Variants in DMXL1 observed in about 807,000 individuals in gnomAD.
The protein encoded by DMXL1 is dmX-like protein 1.
Under a neutral mutation model 319.2 loss-of-function variants are expected in DMXL1, and 99 were observed. That is an observed-to-expected ratio of 0.31 (90% CI 0.26 to 0.37). The LOEUF (loss-of-function observed/expected upper bound fraction) is 0.37. Among genes scored for constraint, DMXL1 ranks in the 10% least tolerant of loss-of-function variants. The pLI is 1.00. For missense variants in DMXL1, 3,745 were observed against 3,595.6 expected, an observed-to-expected ratio of 1.04 and a Z score of -1.06; for synonymous variants, 1,385 against 1,235.2, an observed-to-expected ratio of 1.12 and a Z score of -2.54.
intron 2 of DMXL1, among the ~76,000 whole-genome samples, chr5:119,099,632 T>C (rs1486194359): frequency 6.6e-6 from 1 of 152,210 alleles, no homozygotes; most frequent in East Asian, 1.9e-4. Flanking sequence ...AGCTGGTTAA[T>C]GTTAAAAATA....
In DMXL1 at chr5:119,248,153, AATTTT is replaced by A. The variant is rs1354594944; in HGVS notation, c.*942_*946del. 3.3e-5 allele frequency: 5 copies of A among 152,504 alleles called. No homozygotes were observed. Among genetic ancestry groups the A allele is most frequent in the Non-Finnish European group, 7.4e-5 (5 of 67,970 alleles). 9.4% of individuals were successfully genotyped at this position (152,504 alleles called of 1,614,324 possible). On this transcript the variant is annotated 3_prime_UTR_variant, in exon 44 of 44. Transcript: ENST00000539542. ...GAGCATCAAACAAATATTTTACTTA[AATTTT>A]ATTTTATCTTATTTTTAGGTGCTTT...
chr5:119,160,478 C>A (rs760086295), intron 19 of DMXL1, among the ~76,000 whole-genome samples: 17 of 152,258 alleles, frequency 1.1e-4, no homozygotes, highest in Middle Eastern at 3.4e-3. Flanking sequence ...GGGGAATATT[C>A]TTTGTGTGCA....
intron 3 of DMXL1, 70 bp from the exon 4 acceptor site, chr5:119,105,110 C>T (rs1304729701): frequency 9.2e-6 from 9 of 974,210 alleles, no homozygotes; most frequent in Non-Finnish European, 1.5e-5. Context: ...GAATAACAAG[C>T]ATAAACGTAC....
At position 119,149,957 on chromosome 5, in the gene DMXL1, G is replaced by A. The variant is rs1769400006; in HGVS notation, c.4130G>A (p.Ser1377Asn). The change falls in exon 18 of 44, where the codon AGT becomes AAT. Residue 1377 changes from serine to asparagine, a missense_variant. Transcript: ENST00000539542. ...HERRLRSLTI[S>N]ASGSTTRDPQ... ...CGCCGCCTTAGGTCTCTCACAATCA[G>A]TGCTAGTGGAAGCACTACCAGAGAC... 1 of 1,613,728 alleles carries A rather than the reference G, an allele frequency of 6.2e-7. No homozygotes were observed. Among genetic ancestry groups the A allele is most frequent in the Non-Finnish European group, 8.5e-7 (1 of 1,179,900 alleles).
intron 19 of DMXL1, among the ~76,000 whole-genome samples, chr5:119,158,076 G>T (rs1388026365): frequency 6.6e-6 from 1 of 151,682 alleles, no homozygotes; most frequent in Non-Finnish European, 1.5e-5. Context: ...TGTTTTTAAT[G>T]AGATGGGGTC....
intron 19 of DMXL1, among the ~76,000 whole-genome samples, chr5:119,163,494 G>A (rs1772709886): frequency 1.3e-5 from 2 of 152,150 alleles, no homozygotes; most frequent in Non-Finnish European, 2.9e-5. Flanking sequence ...TTGCCTCACT[G>A]CCATGTCTAC....
chr5:119,165,825 C>G (rs1773320047), intron 21 of DMXL1, among the ~76,000 whole-genome samples: 1 of 152,218 alleles, frequency 6.6e-6, no homozygotes, highest in African/African-American at 2.4e-5. Flanking sequence ...CCCAATGATT[C>G]AGTTACCTCC....
chr5:119,229,153 A>G (rs1439385187), intron 38 of DMXL1, among the ~76,000 whole-genome samples: 1 of 150,602 alleles, frequency 6.6e-6, no homozygotes, highest in Non-Finnish European at 1.5e-5. Flanking sequence ...CATTCTCCAC[A>G]ATAAAGGAAA....
At chr5:119,115,859 C>T (rs991208326) in intron 6 of DMXL1, among the ~76,000 whole-genome samples, 7 of 152,182 alleles carry the variant, frequency 4.6e-5, no homozygotes, top group Middle Eastern at 6.8e-3. Flanking sequence ...CTGGAAAAGA[C>T]GTCCTTAATT....
At chr5:119,127,660 A>C (rs2150011975) in intron 9 of DMXL1, 2 of 172,866 alleles carry the variant, frequency 1.2e-5, no homozygotes, top group South Asian at 1.3e-4. Flanking sequence ...GCTGGTCTCG[A>C]ACCCCTGGCC....
rs116824161 is a variant in DMXL1 at position 119,231,633 on chromosome 5, T to C, written c.8339-1707T>C. On this transcript the variant is annotated intron_variant, in intron 38 of 43. Coordinates refer to ENST00000539542, the MANE Select transcript of DMXL1 (RefSeq NM_001290321.3). ...ATAGGTACATTAAAAATTTAATGAG[T>C]TTATTTTAGCTTTCAGCTCAAATTC... Among the ~76,000 whole-genome samples, 646 of 152,276 alleles carry C rather than the reference T, an allele frequency of 4.2e-3. 6 individuals carry two copies. Among genetic ancestry groups the C allele is most frequent in the African/African-American group, 0.015 (624 of 41,544 alleles).
chr5:119,143,866 T>C lies in DMXL1; in HGVS notation c.2402T>C (p.Ile801Thr). 6.3e-7 allele frequency: 1 copy of C among 1,587,090 alleles called. No homozygotes were observed. Among genetic ancestry groups the C allele is most frequent in the Non-Finnish European group, 8.6e-7 (1 of 1,167,298 alleles). ...AAATATGTTGGTGAAGTCTTTAACA[T>C]CGTCAGTCAACAATCAACAGCCAGG... ...ISKYVGEVFN[I>T]VSQQSTARPG... Residue 801 changes from isoleucine (I) to threonine (T), a missense_variant, in exon 14 of 44, where the codon ATC (isoleucine) becomes ACC (threonine). Ile to Thr is a moderately conservative substitution (Grantham distance 89, BLOSUM62 -1). Transcript: ENST00000539542.
chr5:119,233,489 G>A, intron 39 of DMXL1, 22 bp downstream of exon 39: 1 of 1,597,686 alleles, frequency 6.3e-7, no homozygotes, highest in Non-Finnish European at 8.6e-7. Flanking sequence ...AAATGTAAAT[G>A]GTAAAAAATT....
intron 1 of DMXL1, among the ~76,000 whole-genome samples, chr5:119,084,068 G>C (rs112762989): frequency 6.6e-6 from 1 of 151,862 alleles, no homozygotes; most frequent in African/African-American, 2.4e-5. Flanking sequence ...TCATATACCT[G>C]TTGGCCATTT....
rs1305560948 is a variant in DMXL1 at position 119,079,288 on chromosome 5, C to T, written c.87+7632C>T. ...CCACTTATATCAGCATCCATTCTTT[C>T]CTTCTCTCCTCCTGGTACAATAAAA... On this transcript the variant is annotated intron_variant, in intron 1 of 43. Coordinates refer to ENST00000539542, the MANE Select transcript of DMXL1 (RefSeq NM_001290321.3). Among the ~76,000 whole-genome samples the T allele has an allele frequency of 2.6e-5, 4 of 152,272 alleles. No individual in the cohort carries two copies. In the East Asian group the frequency reaches 5.8e-4, roughly 22 times the overall value.
In DMXL1 at chr5:119,133,700, T is replaced by C. The variant is rs756848199; in HGVS notation, c.1776T>C (p.Ile592=). The change falls in exon 12 of 44, where the codon ATT becomes ATC. Residue 592 remains isoleucine (I), a synonymous_variant. Transcript: ENST00000539542. ...NKSSNSLKLS[I]FTPNVMMISK... ...CATCTAATAGTTTAAAATTAAGTAT[T>C]TTTACGCCTAATGTTATGATGATAT... The C allele has an allele frequency of 3.7e-6, 6 of 1,614,194 alleles. No homozygotes were observed. The Middle Eastern group carries it at 4.9e-4, about 133-fold the overall frequency.
intron 2 of DMXL1, among the ~76,000 whole-genome samples, chr5:119,100,026 TAAG>T (rs531157065): frequency 5.3e-4 from 80 of 152,036 alleles, no homozygotes; most frequent in Non-Finnish European, 4.9e-4. Context: ...AAAGAGGAAT[TAAG>T]AAGTCATTTG....
chr5:119,183,325 A>G (rs1230334365), intron 28 of DMXL1, among the ~76,000 whole-genome samples: 2 of 152,232 alleles, frequency 1.3e-5, no homozygotes, highest in East Asian at 3.8e-4. Context: ...CTTGACCAGA[A>G]AAGACTTGAG....
chr5:119,228,163 T>C (rs1257411544), intron 38 of DMXL1, among the ~76,000 whole-genome samples: 1 of 152,194 alleles, frequency 6.6e-6, no homozygotes, highest in East Asian at 1.9e-4. Context: ...GTTTTTTCCC[T>C]TAGAGTTCTG....
Sources: gnomAD v4.1 joint callset for allele counts (sites outside exome capture counted in the v4.1 genomes callset) on GRCh38, gnomAD v4.1.1 for gene constraint, MANE v1.5 for transcripts, NCBI Gene and HGNC (gene_info 2026-07-23, HGNC 2026-07-21) for gene names.